BLTP3A: variants seen among roughly 807,000 people sequenced by gnomAD.
BLTP3A encodes ICBP90 binding protein 1.
At chr6:34,815,241 G>GTGTT in the BLTP3A span, among the ~76,000 whole-genome samples, 13,079 of 151,478 alleles carry the variant, frequency 0.086, 723 homozygotes, top group East Asian at 0.32. Flanking sequence ...AAATAAGTTG[G>GTGTT]TGTTTGTTTG....
chr6:34,815,087 T>G, the BLTP3A span, among the ~76,000 whole-genome samples: 1 of 152,196 alleles, frequency 6.6e-6, no homozygotes, highest in African/African-American at 2.4e-5. Context: ...GCATACCTCA[T>G]GTGGGATATT....
chr6:34,852,884 T>G, the BLTP3A span, among the ~76,000 whole-genome samples: 1 of 152,138 alleles, frequency 6.6e-6, no homozygotes, highest in Non-Finnish European at 1.5e-5. Flanking sequence ...CTAGGGCTGG[T>G]CTAAATGCTC....
chr6:34,828,556 A>C, the BLTP3A span, among the ~76,000 whole-genome samples: 60 of 152,078 alleles, frequency 3.9e-4, no homozygotes, highest in East Asian at 0.011. Context: ...TACCTGTAGA[A>C]TATGCTTATC....
chr6:34,864,311 T>C, the BLTP3A span: 2 of 1,102,140 alleles, frequency 1.8e-6, no homozygotes, highest in Non-Finnish European at 1.3e-6. Flanking sequence ...ATATAGACAT[T>C]TTCTTAATCA....
At chr6:34,867,680 T>G in the BLTP3A span, 1 of 1,543,700 alleles carries the variant, frequency 6.5e-7, no homozygotes, top group Non-Finnish European at 8.7e-7. Flanking sequence ...TAGATTAACT[T>G]GTACTTGTCA....
At chr6:34,802,659 C>T in the BLTP3A span, among the ~76,000 whole-genome samples, 1 of 152,148 alleles carries the variant, frequency 6.6e-6, no homozygotes, top group Admixed American at 6.6e-5. Context: ...CCCTGCCCAG[C>T]CTGTCTGCAT....
the BLTP3A span, among the ~76,000 whole-genome samples, chr6:34,824,925 C>T: frequency 6.6e-6 from 1 of 152,248 alleles, no homozygotes; most frequent in East Asian, 1.9e-4. Flanking sequence ...CCCGCCTCAG[C>T]CTCCTAAAAT....
At chr6:34,824,520 T>C in the BLTP3A span, among the ~76,000 whole-genome samples, 3 of 144,198 alleles carry the variant, frequency 2.1e-5, no homozygotes, top group African/African-American at 7.9e-5. Context: ...ATCGCGCCAT[T>C]GCACTCCAGC....
the BLTP3A span, among the ~76,000 whole-genome samples, chr6:34,829,465 T>C: frequency 3.3e-5 from 5 of 152,192 alleles, no homozygotes; most frequent in Non-Finnish European, 7.3e-5. Flanking sequence ...CTGTTTTAGG[T>C]AAATATATAC....
At chr6:34,842,282 A>G in the BLTP3A span, among the ~76,000 whole-genome samples, 1 of 152,300 alleles carries the variant, frequency 6.6e-6, no homozygotes, top group East Asian at 1.9e-4. Context: ...TTGAGATACA[A>G]TCTCACACCA....
chr6:34,850,227 A>G, the BLTP3A span, among the ~76,000 whole-genome samples: 1 of 151,940 alleles, frequency 6.6e-6, no homozygotes, highest in Non-Finnish European at 1.5e-5. Context: ...GTCTGCTGCC[A>G]GACATATTGA....
the BLTP3A span, chr6:34,836,302 C>T: frequency 3.7e-6 from 6 of 1,614,234 alleles, no homozygotes; most frequent in South Asian, 4.4e-5. Context: ...TGCTCATCTC[C>T]CGCCTGGACC....
At chr6:34,820,835 A>G in the BLTP3A span, among the ~76,000 whole-genome samples, 52,608 of 121,098 alleles carry the variant, frequency 0.43, 12,401 homozygotes, top group African/African-American at 0.67. Context: ...TTTTTTTTTT[A>G]GAGATAGGGT....
chr6:34,860,613 A>G, the BLTP3A span, among the ~76,000 whole-genome samples: 5 of 152,304 alleles, frequency 3.3e-5, no homozygotes, highest in East Asian at 9.6e-4. Flanking sequence ...AGTCCTAAGT[A>G]CTTATAATAT....
At chr6:34,799,604 G>A in the BLTP3A span, among the ~76,000 whole-genome samples, 3 of 152,106 alleles carry the variant, frequency 2.0e-5, no homozygotes, top group Non-Finnish European at 2.9e-5. Context: ...TAACTGCTTC[G>A]AAAAATTGAG....
chr6:34,867,119 T>C, the BLTP3A span: 1 of 1,221,406 alleles, frequency 8.2e-7, no homozygotes, highest in African/African-American at 1.5e-5. Flanking sequence ...GTCTCATGAA[T>C]GTCATAAGTA....
At chr6:34,795,101 T>C in the BLTP3A span, among the ~76,000 whole-genome samples, 1 of 151,632 alleles carries the variant, frequency 6.6e-6, no homozygotes, top group Admixed American at 6.6e-5. Context: ...TTTTGTTTTT[T>C]AGAGACGGAA....
chr6:34,820,974 G>A, the BLTP3A span, among the ~76,000 whole-genome samples: 5 of 128,908 alleles, frequency 3.9e-5, no homozygotes, highest in African/African-American at 8.5e-5. Context: ...TTTTTTTTTT[G>A]AGATGGAGTT....
chr6:34,856,296 G>A, the BLTP3A span: 1 of 1,614,052 alleles, frequency 6.2e-7, no homozygotes, highest in Admixed American at 1.7e-5. Context: ...CGAGGCCAGT[G>A]GGCCCAGAAG....
Sources: gnomAD v4.1 joint callset for allele counts (sites outside exome capture counted in the v4.1 genomes callset) on GRCh38, gnomAD v4.1.1 for gene constraint, MANE v1.5 for transcripts, NCBI Gene and HGNC (gene_info 2026-07-23, HGNC 2026-07-21) for gene names.